ULK1: variants seen among roughly 807,000 people sequenced by gnomAD.
ULK1 encodes the protein serine/threonine-protein kinase ULK1.
In ULK1, 48 loss-of-function variants were observed where a neutral mutation model predicts 117.5. That is an observed-to-expected ratio of 0.41 (90% CI 0.32 to 0.52). The LOEUF (loss-of-function observed/expected upper bound fraction) is 0.52. Among genes scored for constraint, ULK1 ranks in the 20% least tolerant of loss-of-function variants. The pLI, the probability that ULK1 is intolerant of heterozygous loss-of-function variation, is 0.29. For missense variants in ULK1, 1,387 were observed against 1,473.4 expected (o/e 0.94, Z 0.96); for synonymous variants, 790 against 637.8 (o/e 1.24, Z -3.60).
At position 131,915,428 on chromosome 12, in the gene ULK1, G is replaced by A. The variant is rs1166318476; in HGVS notation, c.1609+7G>A. 3 of 1,611,990 alleles carry A rather than the reference G, an allele frequency of 1.9e-6. No individual in the cohort carries two copies. The highest frequency in any genetic ancestry group is 1.7e-6 in the Non-Finnish European group (2 of 1,179,874). On this transcript the variant is annotated splice_region_variant and intron_variant, in intron 18 of 27. Transcript: ENST00000321867. Reference sequence around the variant, plus strand: ...GGCAGGTCCCCTCGTCCAGGTGGGTGCAGTCCGGAGGGGGGAGGGGGTGCT... The same window carrying A: ...GGCAGGTCCCCTCGTCCAGGTGGGTACAGTCCGGAGGGGGGAGGGGGTGCT...
chr12:131,917,250 C>T (rs868440558), intron 21 of ULK1, among the ~76,000 whole-genome samples, 161 bp from the exon 22 acceptor site: 6 of 72,934 alleles, frequency 8.2e-5, no homozygotes, highest in South Asian at 1.0e-3. Context: ...GGGTTCGGCT[C>T]GGAGGCTGTG....
chr12:131,920,325 C>T, intron 26 of ULK1, 189 bp downstream of exon 26: 1 of 702,016 alleles, frequency 1.4e-6, no homozygotes. Context: ...TGGGTGCATC[C>T]TTGATTGTAC....
Position 131,921,092 on chromosome 12 carries a change from GC to G in ULK1, c.2962-3del. On this transcript the variant is annotated splice_region_variant and splice_polypyrimidine_tract_variant and intron_variant, in intron 26 of 27. Coordinates refer to ENST00000321867, the MANE Select transcript of ULK1 (RefSeq NM_003565.4). The stretch of plus-strand genomic sequence containing the variant: ...CTGGCCCTGTCCAGCCTCTGTCCTC[GC>G]CCCCAGGTGCAGTCGGCTGCCCTGG... 1 of 1,584,032 alleles carries G rather than the reference GC, an allele frequency of 6.3e-7. No homozygotes were observed. Among genetic ancestry groups the G allele is most frequent in the Non-Finnish European group, 8.6e-7 (1 of 1,169,028 alleles).
chr12:131,908,786 C>T lies in ULK1; in HGVS notation c.459C>T (p.Arg153=), dbSNP rs761199567. The T allele has an allele frequency of 3.1e-6, 5 of 1,607,142 alleles. No individual in the cohort carries two copies. In the Admixed American group the frequency reaches 5.1e-5, roughly 16 times the overall value. Residue 153 remains arginine (R), a synonymous_variant, in exon 6 of 28, where the codon CGC becomes CGT. Coordinates refer to ENST00000321867, the MANE Select transcript of ULK1 (RefSeq NM_003565.4). ...TGCTGTCCAACCCCGCCGGCCGCCGCGCCAACCCCAACAGCATCCGCGTCA... is the reference window on the plus strand; with the variant it reads ...TGCTGTCCAACCCCGCCGGCCGCCGTGCCAACCCCAACAGCATCCGCGTCA... ...NILLSNPAGR[R]ANPNSIRVKI...
rs895119438 is a variant in ULK1 at position 131,917,244 on chromosome 12, T to G, written c.2183-167T>G. On this transcript the variant is annotated intron_variant, in intron 21 of 27. Coordinates refer to ENST00000321867, the MANE Select transcript of ULK1 (RefSeq NM_003565.4). ...CGAGGCTGTGGGACGGGGGTCGGGT[T>G]CGGCTCGGAGGCTGTGGGACGGGGG... Among the ~76,000 whole-genome samples the G allele has an allele frequency of 5.2e-4, 15 of 28,942 alleles. No individual in the cohort carries two copies. Among genetic ancestry groups the G allele is most frequent in the African/African-American group, 2.0e-3 (6 of 3,040 alleles). The allele number at this position is 28,942 out of a possible 152,430, so 19.0% of individuals were successfully genotyped here. A position where few individuals can be genotyped will look rare whatever the true frequency, so the allele number is the denominator to read the frequency against.
intron 14 of ULK1, 63 bp downstream of exon 14, chr12:131,913,321 C>T (rs900510380): frequency 2.1e-5 from 31 of 1,445,082 alleles, no homozygotes; most frequent in African/African-American, 1.0e-4. Context: ...GGAAGTGGCC[C>T]GTGTTATTTA....
At chr12:131,895,204 C>T in intron 1 of ULK1, 92 bp downstream of exon 1, 2 of 996,832 alleles carry the variant, frequency 2.0e-6, no homozygotes, top group African/African-American at 3.4e-5. Flanking sequence ...CGGGACCCCC[C>T]CACGCCTCCC....
At chr12:131,919,804 C>A in intron 25 of ULK1, 175 bp from the exon 26 acceptor site, 1 of 1,089,670 alleles carries the variant, frequency 9.2e-7, no homozygotes, top group Non-Finnish European at 1.3e-6. Context: ...GCCGTGGGGT[C>A]GGATGGCACC....
intron 3 of ULK1, among the ~76,000 whole-genome samples, chr12:131,896,112 CCTGA>C (rs1176878356): frequency 6.6e-6 from 1 of 152,204 alleles, no homozygotes; most frequent in African/African-American, 2.4e-5. Flanking sequence ...AGGGGCCCTG[CCTGA>C]GTCCGGCGTC....
Position 131,922,081 on chromosome 12 carries a change from C to G in ULK1, c.*720C>G. 2.2e-6 allele frequency: 1 copy of G among 451,596 alleles called. No homozygotes were observed. 28.0% of individuals were successfully genotyped at this position (451,596 alleles called of 1,614,324 possible). A position where few individuals can be genotyped will look rare whatever the true frequency, so the allele number is the denominator to read the frequency against. On this transcript the variant is annotated 3_prime_UTR_variant, in exon 28 of 28. Coordinates refer to ENST00000321867, the MANE Select transcript of ULK1 (RefSeq NM_003565.4). The stretch of plus-strand genomic sequence containing the variant: ...GTTCAAGCGTTCCTCTGGGGACCGG[C>G]AGCAGAGGCACCGTGTTCTCTCAGC...
Position 131,921,959 on chromosome 12 carries a change from G to A in ULK1, c.*598G>A, listed in dbSNP as rs759531710. 11 of 456,268 alleles carry A rather than the reference G, an allele frequency of 2.4e-5. No individual in the cohort carries two copies. Among genetic ancestry groups the A allele is most frequent in the Admixed American group, 1.4e-4 (6 of 42,562 alleles). 28.3% of individuals were successfully genotyped at this position (456,268 alleles called of 1,614,324 possible). The stretch of plus-strand genomic sequence containing the variant: ...ACACATGCCAGGGCCCCCCAAGCCC[G>A]AGCACCGGACCACGTTGCTGCCCAG... On this transcript the variant is annotated 3_prime_UTR_variant, in exon 28 of 28. Transcript: ENST00000321867.
rs776818655 is a variant in ULK1 at position 131,919,315 on chromosome 12, G to C, written c.2615G>C (p.Gly872Ala). 5 of 1,589,620 alleles carry C rather than the reference G, an allele frequency of 3.1e-6. No individual in the cohort carries two copies. Among genetic ancestry groups the C allele is most frequent in the Non-Finnish European group, 4.3e-6 (5 of 1,170,628 alleles). ...ALKGSASEAA[G>A]GPEYQLQESV... ...AAGGGCAGCGCCAGTGAGGCGGCGGGGGGCCCTGAGTACCAGCTGCAGGAG... is the reference window on the plus strand; with the variant it reads ...AAGGGCAGCGCCAGTGAGGCGGCGGCGGGCCCTGAGTACCAGCTGCAGGAG... The change falls in exon 24 of 28, where the codon GGG becomes GCG. Residue 872 changes from glycine (G) to alanine (A), a missense_variant. By Grantham distance (60) the Gly-to-Ala change is moderately conservative. Around this residue, in one of 4 missense-constraint regions of ULK1, gnomAD observed 900 missense variants for 858.9 expected, o/e 1.05. Coordinates refer to ENST00000321867, the MANE Select transcript of ULK1 (RefSeq NM_003565.4).
intron 5 of ULK1, among the ~76,000 whole-genome samples, chr12:131,908,120 G>A (rs1593264771): frequency 6.6e-6 from 1 of 152,112 alleles, no homozygotes; most frequent in South Asian, 2.1e-4. Context: ...TCAAACGCCG[G>A]CTCAGACCCG....
Position 131,901,575 on chromosome 12 carries a change from T to C in ULK1, c.247-5317T>C, listed in dbSNP as rs533113640. Among the ~76,000 whole-genome samples, 98 of 152,292 alleles carry C rather than the reference T, an allele frequency of 6.4e-4. 1 individual carries two copies. The South Asian group carries it at 0.018, about 29-fold the overall frequency. ...CTCATTCTTCACGTGAGCCAGCTCC[T>C]GGTTCCCACACGCTCCCTTTGCCAC... On this transcript the variant is annotated intron_variant, in intron 3 of 27. Transcript: ENST00000321867.
rs981002853 is a variant in ULK1, at chr12:131,910,119, A to G, written c.808+118A>G. ...CCATGTGCACACTGCCCTTTCCACA[A>G]GCCAAGCGCAGGCAGGGGCTCCACC... On this transcript the variant is annotated intron_variant, in intron 10 of 27. Coordinates refer to ENST00000321867, the MANE Select transcript of ULK1 (RefSeq NM_003565.4). 2.9e-5 allele frequency: 45 copies of G among 1,560,006 alleles called. No individual in the cohort carries two copies. In the African/African-American group the frequency reaches 4.9e-4, roughly 17 times the overall value.
At position 131,920,125 on chromosome 12, in the gene ULK1, G is replaced by A. The variant is rs1229397404; in HGVS notation, c.2950G>A (p.Ala984Thr). The A allele has an allele frequency of 8.1e-6, 13 of 1,612,622 alleles. No homozygotes were observed. The highest frequency in any genetic ancestry group is 1.0e-5 in the Non-Finnish European group (12 of 1,179,912). ...ITAERLIFSH[A>T]VQMVQSAALD... is the part of the protein sequence containing the mutation. ...TGCCGAGAGGCTCATCTTCAGCCAC[G>A]CTGTGCAGATGGTACGGGACAGACA... is the stretch of plus-strand genomic sequence containing the variant. Residue 984 changes from alanine (A) to threonine (T), a missense_variant, in exon 26 of 28, where the codon GCT becomes ACT. Coordinates refer to ENST00000321867, the MANE Select transcript of ULK1 (RefSeq NM_003565.4).
intron 20 of ULK1, 36 bp downstream of exon 20, chr12:131,916,627 A>G: frequency 6.6e-7 from 1 of 1,509,454 alleles, no homozygotes; most frequent in South Asian, 1.2e-5. Context: ...CGGGCTTCTG[A>G]GGGGCAGCCT....
intron 3 of ULK1, among the ~76,000 whole-genome samples, chr12:131,899,071 T>G (rs912605647): frequency 6.7e-6 from 1 of 149,578 alleles, no homozygotes; most frequent in Non-Finnish European, 1.5e-5. Context: ...ATTTATACAA[T>G]TTTCGCCACA....
In ULK1 at chr12:131,915,438, G is replaced by C; in HGVS notation, c.1609+17G>C. On this transcript the variant is annotated intron_variant, in intron 18 of 27. Coordinates refer to ENST00000321867, the MANE Select transcript of ULK1 (RefSeq NM_003565.4). The stretch of plus-strand genomic sequence containing the variant: ...CTCGTCCAGGTGGGTGCAGTCCGGA[G>C]GGGGGAGGGGGTGCTAGGCTGACCT... 6.2e-7 allele frequency: 1 copy of C among 1,610,686 alleles called. No individual in the cohort carries two copies. Among genetic ancestry groups the C allele is most frequent in the South Asian group, 1.1e-5 (1 of 90,978 alleles).
Sources: allele counts gnomAD v4.1 joint callset (sites outside exome capture counted in the v4.1 genomes callset), GRCh38; gene constraint gnomAD v4.1.1; regional missense constraint gnomAD v4.1.1; transcripts MANE v1.5; gene names NCBI Gene and HGNC (gene_info 2026-07-23, HGNC 2026-07-21).